Variants in SLC27A6 observed in about 807,000 individuals in gnomAD.
The protein encoded by SLC27A6 is solute carrier family 27 member 6, also known as long-chain fatty acid transport protein 6.
Under a neutral mutation model 63.9 loss-of-function variants are expected in SLC27A6, and 74 were observed. That is an observed-to-expected ratio of 1.16 (90% CI 0.96 to 1.40). The LOEUF is 1.40. Ranked by LOEUF, SLC27A6 falls within the 40% of genes most tolerant of loss-of-function variation. The pLI is 0.00. For synonymous variants in SLC27A6, 287 were observed against 260.8 expected (o/e 1.10, Z -0.97); for missense variants, 794 against 732.9 (o/e 1.08, Z -0.96).
Position 128,966,507 on chromosome 5 carries a change from G to A in SLC27A6, c.370G>A (p.Gly124Ser), listed in dbSNP as rs1056678255. Residue 124 changes from glycine to serine, a missense_variant, in exon 1 of 10, where the codon GGC becomes AGC. Gly to Ser is a moderately conservative substitution (Grantham distance 56). Transcript: ENST00000262462. Reference sequence around the variant, plus strand: ...GCCGGACTTCGTTCACGTGTGGTTCGGCCTCGCCAAGCTGGGCTGCGTGGT... The same window carrying A: ...GCCGGACTTCGTTCACGTGTGGTTCAGCCTCGCCAAGCTGGGCTGCGTGGT... Reference protein sequence around the residue: ...NEPDFVHVWFGLAKLGCVVAF... With the variant: ...NEPDFVHVWFSLAKLGCVVAF... 2 of 1,607,106 alleles carry A rather than the reference G, an allele frequency of 1.2e-6. No individual in the cohort carries two copies. The highest frequency in any genetic ancestry group is 1.3e-5 in the African/African-American group (1 of 74,774).
At chr5:128,970,471 C>T (rs565097090) in intron 1 of SLC27A6, among the ~76,000 whole-genome samples, 2 of 152,252 alleles carry the variant, frequency 1.3e-5, no homozygotes, top group East Asian at 1.9e-4. Context: ...TCAACTTCTT[C>T]CTGGTTTAGT....
chr5:129,016,158 C>T (rs1001089665), intron 5 of SLC27A6, 79 bp downstream of exon 5: 15 of 990,298 alleles, frequency 1.5e-5, no homozygotes, highest in African/African-American at 6.7e-5. Flanking sequence ...TTTGGGACGC[C>T]GAGGTGGGCA....
rs575128927 is a variant in SLC27A6, at chr5:128,990,380, G to C, written c.885G>C (p.Gln295His). 1.2e-6 allele frequency: 2 copies of C among 1,614,016 alleles called. No individual in the cohort carries two copies. Among genetic ancestry groups the C allele is most frequent in the East Asian group, 4.5e-5 (2 of 44,852 alleles). Reference sequence around the variant, plus strand: ...TAAAGAAGAAATTTTCAGCAAGCCAGTTTTGGAGTGACTGCAAGAAGTATG... The same window carrying C: ...TAAAGAAGAAATTTTCAGCAAGCCACTTTTGGAGTGACTGCAAGAAGTATG... Reference protein sequence around the residue: ...CVLKKKFSASQFWSDCKKYDV... With the variant: ...CVLKKKFSASHFWSDCKKYDV... Residue 295 changes from glutamine (Q) to histidine (H), a missense_variant, in exon 4 of 10, where the codon CAG becomes CAC. Coordinates refer to ENST00000262462, the MANE Select transcript of SLC27A6 (RefSeq NM_001017372.3).
chr5:129,026,179 G>A (rs897440041), intron 6 of SLC27A6, among the ~76,000 whole-genome samples: 1 of 152,020 alleles, frequency 6.6e-6, no homozygotes, highest in Non-Finnish European at 1.5e-5. Context: ...ATCATAGTTT[G>A]CTGGACTCCA....
At chr5:129,030,539 C>A (rs534041599) in intron 9 of SLC27A6, among the ~76,000 whole-genome samples, 91 of 152,110 alleles carry the variant, frequency 6.0e-4, no homozygotes, top group Non-Finnish European at 1.1e-3. Context: ...ATCATAATAC[C>A]TATTTCATCT....
At chr5:129,017,915 T>TA (rs1484252322) in intron 5 of SLC27A6, among the ~76,000 whole-genome samples, 1 of 152,194 alleles carries the variant, frequency 6.6e-6, no homozygotes, top group Admixed American at 6.5e-5. Context: ...ATTCCTCTGT[T>TA]ACGAACTCTT....
intron 4 of SLC27A6, among the ~76,000 whole-genome samples, chr5:129,014,246 A>G (rs1334268539): frequency 6.6e-6 from 1 of 152,206 alleles, no homozygotes; most frequent in Non-Finnish European, 1.5e-5. Context: ...GGAAACAAAA[A>G]ATTGCAATTC....
At chr5:129,031,782 C>G (rs1194234094) in intron 9 of SLC27A6, among the ~76,000 whole-genome samples, 2 of 151,774 alleles carry the variant, frequency 1.3e-5, no homozygotes, top group East Asian at 1.9e-4. Flanking sequence ...TAATATTAAG[C>G]TTAAAAATGG....
At chr5:129,017,541 C>A (rs1235385797) in intron 5 of SLC27A6, among the ~76,000 whole-genome samples, 1 of 151,688 alleles carries the variant, frequency 6.6e-6, no homozygotes, top group Non-Finnish European at 1.5e-5. Context: ...TAATAAAGAG[C>A]AGAAATTAAT....
intron 4 of SLC27A6, among the ~76,000 whole-genome samples, chr5:129,006,071 G>GTT (rs4068575): frequency 0.011 from 680 of 60,108 alleles, 57 homozygotes; most frequent in Middle Eastern, 0.016. Context: ...TGTGCACACT[G>GTT]TTTTTTTTTT....
rs768288515 is a variant in SLC27A6, at chr5:128,985,176, A to T, written c.525A>T (p.Glu175Asp). ...TVEEILPSLS[E>D]NISVWGMKDS... The stretch of plus-strand genomic sequence containing the variant: ...AAGAAATCCTTCCAAGCCTCTCAGA[A>T]AATATCAGTGTTTGGGGGATGAAAG... Residue 175 changes from glutamate (E) to aspartate (D), a missense_variant, in exon 2 of 10, where the codon GAA (glutamate) becomes GAT (aspartate). Coordinates refer to ENST00000262462, the MANE Select transcript of SLC27A6 (RefSeq NM_001017372.3). The T allele has an allele frequency of 6.2e-7, 1 of 1,614,040 alleles. No individual in the cohort carries two copies. Among genetic ancestry groups the T allele is most frequent in the South Asian group, 1.1e-5 (1 of 91,076 alleles).
intron 3 of SLC27A6, among the ~76,000 whole-genome samples, chr5:128,990,114 A>G (rs531927388): frequency 1.1e-4 from 16 of 152,312 alleles, no homozygotes; most frequent in Admixed American, 8.5e-4. Context: ...TGTGTATTGC[A>G]AAAAGCATAT....
At chr5:128,990,731 CT>C (rs1750950367) in intron 4 of SLC27A6, among the ~76,000 whole-genome samples, 1 of 152,098 alleles carries the variant, frequency 6.6e-6, no homozygotes, top group Non-Finnish European at 1.5e-5. Flanking sequence ...TGTTATAGCT[CT>C]ATTAGAAGCC....
chr5:129,032,966 C>A, intron 9 of SLC27A6, 140 bp from the exon 10 acceptor site: 1 of 452,132 alleles, frequency 2.2e-6, no homozygotes, highest in Non-Finnish European at 3.8e-6. Context: ...TTTTTTATTT[C>A]TAGTGTTAAA....
At chr5:128,971,588 TTG>T (rs1029517156) in intron 1 of SLC27A6, among the ~76,000 whole-genome samples, 16 of 88,442 alleles carry the variant, frequency 1.8e-4, no homozygotes, top group Admixed American at 4.2e-4. Flanking sequence ...CCCCTGCTTT[TTG>T]TTTTTTTGTT....
At chr5:128,985,992 A>C (rs1270680005) in intron 2 of SLC27A6, among the ~76,000 whole-genome samples, 1 of 152,192 alleles carries the variant, frequency 6.6e-6, no homozygotes, top group Non-Finnish European at 1.5e-5. Context: ...AACAACAGCA[A>C]TAACAATAAT....
At chr5:129,017,115 A>G (rs1185674898) in intron 5 of SLC27A6, among the ~76,000 whole-genome samples, 6 of 152,196 alleles carry the variant, frequency 3.9e-5, no homozygotes, top group Admixed American at 3.3e-4. Flanking sequence ...GACATATGAA[A>G]GACCCTGCAT....
rs185058493 is a variant in SLC27A6, at chr5:129,004,894, C to G, written c.970-10991C>G. Among the ~76,000 whole-genome samples, 8 of 152,282 alleles carry G rather than the reference C, an allele frequency of 5.3e-5. No homozygotes were observed. The East Asian group carries it at 1.5e-3, about 29-fold the overall frequency. ...TTTGCTGATCTTGATGATTTTTCTT[C>G]TTCAATGGTTGTCATTCTGTTGAGC... On this transcript the variant is annotated intron_variant, in intron 4 of 9. Coordinates refer to ENST00000262462, the MANE Select transcript of SLC27A6 (RefSeq NM_001017372.3).
At position 129,033,295 on chromosome 5, in the gene SLC27A6, T is replaced by TCACGCCTGTAATCCC. The variant is rs746134780; in HGVS notation, c.*13_*14insCACGCCTGTAATCCC. ...AATAAAACTTTAAGATTTTTATATC[T>TCACGCCTGTAATCCC]AGAACTTTCATATGCTTTCTTAGGA... On this transcript the variant is annotated 3_prime_UTR_variant, in exon 10 of 10. Coordinates refer to ENST00000262462, the MANE Select transcript of SLC27A6 (RefSeq NM_001017372.3). 1.3e-6 allele frequency: 2 copies of TCACGCCTGTAATCCC among 1,491,212 alleles called. No homozygotes were observed. Among genetic ancestry groups the TCACGCCTGTAATCCC allele is most frequent in the South Asian group, 2.5e-5 (2 of 78,562 alleles). The allele number at this position is 1,491,212 out of a possible 1,614,324, so 92.4% of individuals were successfully genotyped here. A position where few individuals can be genotyped will look rare whatever the true frequency, so the allele number is the denominator to read the frequency against.
Sources: gnomAD v4.1 joint callset for allele counts (sites outside exome capture counted in the v4.1 genomes callset) on GRCh38, gnomAD v4.1.1 for gene constraint, MANE v1.5 for transcripts, NCBI Gene and HGNC (gene_info 2026-07-23, HGNC 2026-07-21) for gene names.